NYAP2: variants seen among roughly 807,000 people sequenced by gnomAD.
NYAP2 encodes neuronal tyrosine-phosphorylated phosphoinositide-3-kinase adapter 2.
In NYAP2, 23 loss-of-function variants were observed where a neutral mutation model predicts 50.4. The observed-to-expected ratio is 0.46, with a 90% CI of 0.33 to 0.65. The LOEUF (loss-of-function observed/expected upper bound fraction) is 0.65. Ranked by LOEUF, NYAP2 falls within the 30% of genes least tolerant of loss-of-function variation. NYAP2 has a pLI of 0.02. For synonymous variants in NYAP2, 394 were observed against 365.2 expected, an observed-to-expected ratio of 1.08 and a Z score of -0.90; for missense variants, 885 against 861.0, an observed-to-expected ratio of 1.03 and a Z score of -0.35.
At chr2:225,549,827 A>G (rs1288922084) in intron 4 of NYAP2, among the ~76,000 whole-genome samples, 1 of 152,032 alleles carries the variant, frequency 6.6e-6, no homozygotes, top group African/African-American at 2.4e-5. Flanking sequence ...TGTACTAAAA[A>G]TACAAATATT....
At chr2:225,406,003 G>A (rs1053863405) in intron 2 of NYAP2, among the ~76,000 whole-genome samples, 2 of 151,764 alleles carry the variant, frequency 1.3e-5, no homozygotes, top group Non-Finnish European at 2.9e-5. Flanking sequence ...TTAAGAATTG[G>A]GAAACTAACA....
chr2:225,627,086 C>T, exon 6 of NYAP2: 2 of 1,595,204 alleles, frequency 1.3e-6, no homozygotes, highest in Non-Finnish European at 1.7e-6. Context: ...TAGGAAGATG[C>T]TCTGTGAGCC....
intron 3 of NYAP2, among the ~76,000 whole-genome samples, chr2:225,484,934 G>T (rs904205392): frequency 6.6e-6 from 1 of 152,202 alleles, no homozygotes; most frequent in Admixed American, 6.5e-5. Context: ...AACCCTAAGG[G>T]TGAGGCCCAT....
intron 4 of NYAP2, 102 bp downstream of exon 4, chr2:225,513,774 C>T: frequency 1.2e-6 from 1 of 846,554 alleles, no homozygotes; most frequent in Admixed American, 3.7e-5. Context: ...GCCACATAAT[C>T]CTGCCTCTCA....
At chr2:225,665,679 C>T in the NYAP2 span, among the ~76,000 whole-genome samples, 4 of 150,616 alleles carry the variant, frequency 2.7e-5, no homozygotes, top group South Asian at 2.1e-4. Context: ...TGTGGTGGTG[C>T]GTGCCTGTAA....
intron 3 of NYAP2, among the ~76,000 whole-genome samples, chr2:225,437,988 T>C (rs1197933497): frequency 6.6e-6 from 1 of 152,226 alleles, no homozygotes; most frequent in African/African-American, 2.4e-5. Context: ...TCTTTCTCTC[T>C]TTCTTACTCT....
intron 5 of NYAP2, among the ~76,000 whole-genome samples, chr2:225,614,963 C>T (rs1247268207): frequency 6.6e-6 from 1 of 152,150 alleles, no homozygotes. Flanking sequence ...GGCTACTCTT[C>T]CAGGTTATCG....
chr2:225,591,927 C>G (rs771449975), intron 5 of NYAP2, among the ~76,000 whole-genome samples: 1 of 152,118 alleles, frequency 6.6e-6, no homozygotes, highest in Admixed American at 6.5e-5. Context: ...TTTTGGGCAC[C>G]CTTCAAAACT....
chr2:225,441,319 ATAAT>A (rs1689467649), intron 3 of NYAP2, among the ~76,000 whole-genome samples: 1 of 152,212 alleles, frequency 6.6e-6, no homozygotes, highest in Non-Finnish European at 1.5e-5. Flanking sequence ...ACCAAATCTA[ATAAT>A]TAACAAGGGC....
exon 6 of NYAP2, chr2:225,627,061 T>C (rs1021137916): frequency 6.3e-7 from 1 of 1,597,966 alleles, no homozygotes; most frequent in Non-Finnish European, 8.5e-7. Flanking sequence ...GGGACACCTG[T>C]GGTCACCAGT....
chr2:225,686,221 G>A, the NYAP2 span, among the ~76,000 whole-genome samples: 1 of 152,124 alleles, frequency 6.6e-6, no homozygotes, highest in Non-Finnish European at 1.5e-5. Context: ...GAGATACAAA[G>A]TTAACATTCT....
intron 4 of NYAP2, among the ~76,000 whole-genome samples, chr2:225,530,654 G>A (rs960127912): frequency 3.9e-5 from 6 of 152,010 alleles, no homozygotes; most frequent in South Asian, 4.1e-4. Context: ...TCTAATCTTT[G>A]TTGAATAAAT....
At chr2:225,616,889 G>T (rs1026046341) in intron 5 of NYAP2, among the ~76,000 whole-genome samples, 7 of 152,118 alleles carry the variant, frequency 4.6e-5, no homozygotes, top group Admixed American at 3.3e-4. Context: ...TGCTTAAAAC[G>T]TGTTGTCTTT....
chr2:225,427,374 C>G (rs1028307880), intron 3 of NYAP2, among the ~76,000 whole-genome samples: 1 of 152,190 alleles, frequency 6.6e-6, no homozygotes, highest in African/African-American at 2.4e-5. Flanking sequence ...CTTTTAATAT[C>G]ACAGTTTCCT....
chr2:225,479,516 TAA>T (rs1690170501), intron 3 of NYAP2, among the ~76,000 whole-genome samples: 1 of 152,114 alleles, frequency 6.6e-6, no homozygotes, highest in Admixed American at 6.5e-5. Context: ...AGTCCTTTAA[TAA>T]AAGAGTATGA....
the NYAP2 span, chr2:225,698,661 C>T: frequency 1.3e-5 from 2 of 152,108 alleles, no homozygotes; most frequent in Non-Finnish European, 2.9e-5. Context: ...CCACGGGAAG[C>T]TGTGCCTATT....
chr2:225,662,739 C>CCAAT, the NYAP2 span, among the ~76,000 whole-genome samples: 3 of 152,188 alleles, frequency 2.0e-5, no homozygotes, highest in African/African-American at 7.2e-5. Context: ...CCTACCCAAC[C>CCAAT]CAATCAACTT....
At chr2:225,522,957 C>T in intron 4 of NYAP2, among the ~76,000 whole-genome samples, 1 of 151,970 alleles carries the variant, frequency 6.6e-6, no homozygotes, top group South Asian at 2.1e-4. Context: ...CTTAAAGAAG[C>T]CAGAATTAGA....
chr2:225,425,060 A>AT lies in NYAP2; in HGVS notation c.221+15967dup, dbSNP rs79783729. Among the ~76,000 whole-genome samples the AT allele has an allele frequency of 5.1e-4, 78 of 152,086 alleles. 2 individuals are homozygous for AT. In the East Asian group the frequency reaches 0.013, roughly 26 times the overall value. ...TTGGCAACCTCAACTATAGAAACTTATTTTTTTTAAAAAAAGAAATAGAGC... is the reference window on the plus strand; with the variant it reads ...TTGGCAACCTCAACTATAGAAACTTATTTTTTTTTAAAAAAAGAAATAGAGC... On this transcript the variant is annotated intron_variant, in intron 3 of 6. Coordinates refer to ENST00000636099, the Ensembl canonical transcript of NYAP2.
Sources: allele counts gnomAD v4.1 joint callset (sites outside exome capture counted in the v4.1 genomes callset), GRCh38; gene constraint gnomAD v4.1.1; transcripts MANE v1.5; gene names NCBI Gene and HGNC (gene_info 2026-07-23, HGNC 2026-07-21).